Variants in PLXDC2 observed in about 807,000 individuals in gnomAD.
PLXDC2 encodes the protein plexin domain-containing protein 2.
A neutral mutation model predicts 68.9 loss-of-function variants in PLXDC2; 40 were observed. The ratio of observed to expected loss-of-function variants is 0.58; its 90% CI spans 0.45 to 0.76. The LOEUF is 0.76. Among genes scored for constraint, PLXDC2 ranks in the 30% least tolerant of loss-of-function variants. PLXDC2 has a pLI of 0.00. For missense variants in PLXDC2, 644 were observed against 661.9 expected, an observed-to-expected ratio of 0.97 and a Z score of 0.30; for synonymous variants, 243 against 234.2, an observed-to-expected ratio of 1.04 and a Z score of -0.34.
At chr10:20,059,334 C>T (rs1054771686) in intron 3 of PLXDC2, among the ~76,000 whole-genome samples, 3 of 59,142 alleles carry the variant, frequency 5.1e-5, no homozygotes, top group East Asian at 1.1e-3. Context: ...TAATTCTCAG[C>T]GTTTGCAAGT....
At chr10:20,170,192 C>T (rs75969136) in intron 7 of PLXDC2, among the ~76,000 whole-genome samples, 354 of 152,038 alleles carry the variant, frequency 2.3e-3, no homozygotes, top group African/African-American at 8.0e-3. Context: ...GACTAGGCAC[C>T]ACTTTTTTTC....
chr10:19,955,999 A>T (rs1834063350), intron 1 of PLXDC2, among the ~76,000 whole-genome samples: 1 of 152,162 alleles, frequency 6.6e-6, no homozygotes, highest in South Asian at 2.1e-4. Context: ...GAATCGCTTG[A>T]ATCCAAGAGG....
intron 4 of PLXDC2, among the ~76,000 whole-genome samples, chr10:20,131,297 C>T (rs1234082004): frequency 6.6e-6 from 1 of 151,932 alleles, no homozygotes; most frequent in African/African-American, 2.4e-5. Context: ...AATTTATACA[C>T]TGCTTCTAGG....
At chr10:20,197,985 A>G (rs562067668) in intron 9 of PLXDC2, among the ~76,000 whole-genome samples, 1 of 152,320 alleles carries the variant, frequency 6.6e-6, no homozygotes, top group African/African-American at 2.4e-5. Context: ...GATAAACAGA[A>G]GTTTTGTATT....
chr10:20,146,310 A>AT (rs71390761), intron 5 of PLXDC2, among the ~76,000 whole-genome samples: 128,424 of 151,498 alleles, frequency 0.85, 54,624 homozygotes, highest in East Asian at 0.89. Flanking sequence ...CTTTTGCTCT[A>AT]TTTTTTTTGT....
intron 4 of PLXDC2, 65 bp downstream of exon 4, chr10:20,068,304 G>A: frequency 7.7e-7 from 1 of 1,304,956 alleles, no homozygotes; most frequent in Non-Finnish European, 1.1e-6. Flanking sequence ...TTATTTTTAA[G>A]TTACTCTATA....
intron 12 of PLXDC2, among the ~76,000 whole-genome samples, chr10:20,230,475 GC>G: frequency 6.6e-6 from 1 of 152,018 alleles, no homozygotes; most frequent in East Asian, 1.9e-4. Flanking sequence ...TTTGAGACCA[GC>G]CTGGGCACCA....
chr10:20,119,125 A>G (rs1337294361), intron 4 of PLXDC2, among the ~76,000 whole-genome samples: 1 of 152,144 alleles, frequency 6.6e-6, no homozygotes, highest in Non-Finnish European at 1.5e-5. Context: ...GAGGATGGGG[A>G]AAACAATCAA....
At chr10:19,818,855 A>T (rs1836408118) in intron 1 of PLXDC2, among the ~76,000 whole-genome samples, 1 of 152,188 alleles carries the variant, frequency 6.6e-6, no homozygotes, top group African/African-American at 2.4e-5. Context: ...TCCACCACAA[A>T]CGAGGTTAAA....
intron 1 of PLXDC2, among the ~76,000 whole-genome samples, chr10:19,948,642 A>G (rs1589551539): frequency 6.6e-6 from 1 of 151,930 alleles, no homozygotes; most frequent in Non-Finnish European, 1.5e-5. Context: ...AGAGACCTTA[A>G]TGTGATTCCA....
intron 13 of PLXDC2, among the ~76,000 whole-genome samples, chr10:20,278,190 T>A (rs1453418036): frequency 2.0e-5 from 3 of 152,166 alleles, no homozygotes; most frequent in East Asian, 1.9e-4. Context: ...GGCAGGGTTG[T>A]TCTTGCTACC....
At chr10:19,987,735 T>G (rs1834670259) in intron 1 of PLXDC2, among the ~76,000 whole-genome samples, 1 of 151,904 alleles carries the variant, frequency 6.6e-6, no homozygotes, top group South Asian at 2.1e-4. Context: ...CTATTTTTTT[T>G]TTGTATTTTT....
intron 1 of PLXDC2, among the ~76,000 whole-genome samples, chr10:19,869,478 G>C (rs62912761): frequency 8.4e-6 from 1 of 119,220 alleles, no homozygotes; most frequent in Non-Finnish European, 1.8e-5. Flanking sequence ...AGGGGGGGGG[G>C]GGAGAGGGTG....
chr10:20,201,009 A>C (rs1834909903), intron 9 of PLXDC2, among the ~76,000 whole-genome samples: 1 of 152,120 alleles, frequency 6.6e-6, no homozygotes, highest in Non-Finnish European at 1.5e-5. Flanking sequence ...CAGATGATCT[A>C]GCAATCCCAC....
intron 1 of PLXDC2, among the ~76,000 whole-genome samples, chr10:19,967,603 A>G (rs1834284997): frequency 6.6e-6 from 1 of 152,254 alleles, no homozygotes. Context: ...ATGTGAAAAT[A>G]TGTTAAAATC....
intron 1 of PLXDC2, among the ~76,000 whole-genome samples, chr10:19,983,294 C>T (rs886531033): frequency 3.3e-5 from 5 of 152,088 alleles, no homozygotes; most frequent in Admixed American, 2.6e-4. Context: ...CCCAGCCAAA[C>T]TGGGAAAGAG....
intron 1 of PLXDC2, among the ~76,000 whole-genome samples, chr10:19,915,488 A>T (rs544462444): frequency 6.6e-6 from 1 of 152,244 alleles, no homozygotes; most frequent in Non-Finnish European, 1.5e-5. Context: ...TTTGCTTTCA[A>T]TTATCAGATT....
intron 1 of PLXDC2, among the ~76,000 whole-genome samples, chr10:19,900,173 G>C (rs1838133581): frequency 6.6e-6 from 1 of 152,138 alleles, no homozygotes; most frequent in Admixed American, 6.5e-5. Flanking sequence ...ATCCACAAAG[G>C]ATTTTGAAAA....
chr10:20,050,635 A>C (rs1014278951), intron 3 of PLXDC2, among the ~76,000 whole-genome samples: 1 of 152,172 alleles, frequency 6.6e-6, no homozygotes, highest in African/African-American at 2.4e-5. Flanking sequence ...ACAGAAATGC[A>C]AAACAAAACC....
Sources: allele counts gnomAD v4.1 joint callset (sites outside exome capture counted in the v4.1 genomes callset), GRCh38; gene constraint gnomAD v4.1.1; transcripts MANE v1.5; gene names NCBI Gene and HGNC (gene_info 2026-07-23, HGNC 2026-07-21).